AKAP6: variants seen among roughly 807,000 people sequenced by gnomAD.
The protein encoded by AKAP6 is A-kinase anchor protein 6.
In AKAP6, 58 loss-of-function variants were observed where a neutral mutation model predicts 188.5. That is an observed-to-expected ratio of 0.31 (90% CI 0.25 to 0.38). The LOEUF (loss-of-function observed/expected upper bound fraction) is 0.38, where lower values mean the gene tolerates loss of function less well. Among genes scored for constraint, AKAP6 ranks in the 10% least tolerant of loss-of-function variants. The pLI, the probability that AKAP6 is intolerant of heterozygous loss-of-function variation, is 1.00. For synonymous variants in AKAP6, 989 were observed against 998.6 expected, an observed-to-expected ratio of 0.99 and a Z score of 0.18; for missense variants, 2,710 against 2,740.0, an observed-to-expected ratio of 0.99 and a Z score of 0.24.
At chr14:32,599,089 G>A (rs1291807201) in intron 5 of AKAP6, among the ~76,000 whole-genome samples, 1 of 152,072 alleles carries the variant, frequency 6.6e-6, no homozygotes. Context: ...GAAGAAAAGA[G>A]CTCATATGTG....
intron 11 of AKAP6, among the ~76,000 whole-genome samples, chr14:32,737,608 C>A (rs2031489444): frequency 6.6e-6 from 1 of 152,148 alleles, no homozygotes; most frequent in Non-Finnish European, 1.5e-5. Flanking sequence ...AACCCTCTGC[C>A]ATGCTCTGCC....
intron 8 of AKAP6, among the ~76,000 whole-genome samples, chr14:32,686,607 A>T (rs1006236557): frequency 1.3e-5 from 2 of 152,140 alleles, no homozygotes; most frequent in Admixed American, 1.3e-4. Context: ...TAAAAATTTT[A>T]AAATAAATAA....
intron 1 of AKAP6, chr14:32,402,187 T>C (rs968662357): frequency 1.3e-5 from 2 of 152,208 alleles, no homozygotes; most frequent in African/African-American, 4.8e-5. Flanking sequence ...GGTATTCTTA[T>C]CATGGTAAAC....
At chr14:32,744,613 G>T (rs369559989) in intron 11 of AKAP6, among the ~76,000 whole-genome samples, 40 of 152,170 alleles carry the variant, frequency 2.6e-4, no homozygotes, top group African/African-American at 9.2e-4. Flanking sequence ...CACTGCACCC[G>T]GTCCTTGGTA....
intron 7 of AKAP6, among the ~76,000 whole-genome samples, chr14:32,661,372 G>A (rs1888692564): frequency 6.6e-6 from 1 of 152,066 alleles, no homozygotes; most frequent in Non-Finnish European, 1.5e-5. Context: ...GATATTTAAA[G>A]GGAAGGAGTG....
intron 1 of AKAP6, among the ~76,000 whole-genome samples, chr14:32,410,445 C>T (rs1044059939): frequency 4.6e-5 from 7 of 152,146 alleles, no homozygotes; most frequent in African/African-American, 9.7e-5. Context: ...CAATGTACAT[C>T]TTAAATGTAT....
chr14:32,629,856 C>G (rs1036528626), intron 7 of AKAP6, among the ~76,000 whole-genome samples: 5 of 151,244 alleles, frequency 3.3e-5, no homozygotes, highest in Non-Finnish European at 7.4e-5. Flanking sequence ...AGGAGGATCT[C>G]TTGAGGCCAG....
At chr14:32,631,915 C>T (rs1244662598) in intron 7 of AKAP6, among the ~76,000 whole-genome samples, 1 of 151,944 alleles carries the variant, frequency 6.6e-6, no homozygotes, top group Non-Finnish European at 1.5e-5. Flanking sequence ...GCTTTTTGGA[C>T]CTTGATGACA....
intron 12 of AKAP6, among the ~76,000 whole-genome samples, chr14:32,820,145 G>A (rs191841772): frequency 6.6e-6 from 1 of 152,072 alleles, no homozygotes; most frequent in Admixed American, 6.5e-5. Flanking sequence ...ATGGTAAGCA[G>A]CAAAGTCAGC....
chr14:32,337,384 A>G (rs1594515322), intron 1 of AKAP6, among the ~76,000 whole-genome samples: 1 of 152,264 alleles, frequency 6.6e-6, no homozygotes, highest in East Asian at 1.9e-4. Flanking sequence ...GTAGAGGAAC[A>G]CCTGCCTCAG....
rs200787439 is a variant in AKAP6 at position 32,660,005 on chromosome 14, A to AT, written c.2731-18306_2731-18305insT. On this transcript the variant is annotated intron_variant, in intron 7 of 13. Coordinates refer to ENST00000280979, the MANE Select transcript of AKAP6 (RefSeq NM_004274.5). ...TGCTATTGGCATGCTGGTTAAAAAA[A>AT]ATATATATATAAAGAAAGGTAAAAG... Among the ~76,000 whole-genome samples, 1,375 of 152,214 alleles carry AT rather than the reference A, an allele frequency of 9.0e-3. 21 individuals carry two copies. Among genetic ancestry groups the AT allele is most frequent in the African/African-American group, 0.03 (1,237 of 41,540 alleles).
rs1889641407 is a variant in AKAP6 at position 32,415,903 on chromosome 14, G to A, written c.-34-17557G>A. 2.6e-5 allele frequency among the ~76,000 whole-genome samples: 4 copies of A among 152,118 alleles called. No individual in the cohort carries two copies. The South Asian group carries it at 8.3e-4, about 32-fold the overall frequency. ...AAGGCTGAATAATATTCTGTCGTATGTATATACCAGATTTTGCTTATCTGT... is the reference window on the plus strand; with the variant it reads ...AAGGCTGAATAATATTCTGTCGTATATATATACCAGATTTTGCTTATCTGT... On this transcript the variant is annotated intron_variant, in intron 1 of 13. Transcript: ENST00000280979.
intron 2 of AKAP6, among the ~76,000 whole-genome samples, chr14:32,516,031 T>C (rs1447967111): frequency 6.6e-6 from 1 of 152,180 alleles, no homozygotes; most frequent in Non-Finnish European, 1.5e-5. Context: ...AGACCCATCT[T>C]CATAACCCTG....
chr14:32,602,727 A>G (rs577251092), intron 7 of AKAP6, among the ~76,000 whole-genome samples: 76 of 152,304 alleles, frequency 5.0e-4, no homozygotes, highest in Non-Finnish European at 5.9e-5. Context: ...TTTAATTATC[A>G]TGACAAATTT....
chr14:32,565,277 T>C (rs1017369265), intron 4 of AKAP6, among the ~76,000 whole-genome samples: 7 of 152,352 alleles, frequency 4.6e-5, no homozygotes, highest in Admixed American at 4.6e-4. Flanking sequence ...ATTCATGATC[T>C]TCCTGCAAAA....
At chr14:32,604,033 A>G (rs1477714580) in intron 7 of AKAP6, among the ~76,000 whole-genome samples, 1 of 152,186 alleles carries the variant, frequency 6.6e-6, no homozygotes, top group African/African-American at 2.4e-5. Context: ...AAAAATAAAT[A>G]TATCTGGTTC....
intron 8 of AKAP6, chr14:32,693,568 G>C (rs908868107): frequency 1.3e-5 from 2 of 152,224 alleles, no homozygotes; most frequent in African/African-American, 4.8e-5. Flanking sequence ...TGGAAATGAA[G>C]TTGACATCCT....
At chr14:32,540,164 CTCTCTATATATA>C (rs1400771740) in intron 3 of AKAP6, among the ~76,000 whole-genome samples, 7 of 97,470 alleles carry the variant, frequency 7.2e-5, no homozygotes, top group Middle Eastern at 4.5e-3. Flanking sequence ...CTCTCTCTCT[CTCTCTATATATA>C]TATATATATA....
intron 12 of AKAP6, among the ~76,000 whole-genome samples, chr14:32,788,024 G>C (rs1225658251): frequency 1.9e-5 from 2 of 105,574 alleles, no homozygotes; most frequent in African/African-American, 7.4e-5. Flanking sequence ...CTGGGCAACA[G>C]AGTGAGACCC....
Sources: allele counts gnomAD v4.1 joint callset (sites outside exome capture counted in the v4.1 genomes callset), GRCh38; gene constraint gnomAD v4.1.1; transcripts MANE v1.5; gene names NCBI Gene and HGNC (gene_info 2026-07-23, HGNC 2026-07-21).